POLR1A: variants seen among roughly 807,000 people sequenced by gnomAD.
The protein encoded by POLR1A is RNA polymerase I subunit A.
Under a neutral mutation model 205.3 loss-of-function variants are expected in POLR1A, and 84 were observed. The observed-to-expected ratio is 0.41, with a 90% confidence interval of 0.34 to 0.49. The LOEUF (loss-of-function observed/expected upper bound fraction) is 0.49, where lower values mean the gene tolerates loss of function less well. Among genes scored for constraint, POLR1A ranks in the 20% least tolerant of loss-of-function variants. The probability of loss-of-function intolerance (pLI) is 0.22; values close to 1 mark genes in which losing one functional copy is unlikely to be tolerated. For missense variants in POLR1A, 1,645 were observed against 2,204.5 expected, an observed-to-expected ratio of 0.75 and a Z score of 5.08; for synonymous variants, 799 against 863.7, an observed-to-expected ratio of 0.93 and a Z score of 1.31.
rs1573797661 is a variant in POLR1A at position 86,026,656 on chromosome 2, G to C, written c.*767C>G. The C allele has an allele frequency of 6.6e-6, 1 of 152,448 alleles. No homozygotes were observed. The highest frequency in any genetic ancestry group is 6.5e-5 in the Admixed American group (1 of 15,286). The allele number at this position is 152,448 out of a possible 1,614,324, so 9.4% of individuals were successfully genotyped here. On this transcript the variant is annotated 3_prime_UTR_variant, in exon 34 of 34. Transcript: ENST00000263857. ...CCAAACTGACAGCAGAGAAAAGCCA[G>C]GCAACCTGTTCAATCGCCCCAGCAG...
intron 16 of POLR1A, among the ~76,000 whole-genome samples, chr2:86,052,073 T>C (rs965458185): frequency 4.6e-5 from 7 of 152,098 alleles, no homozygotes; most frequent in Non-Finnish European, 1.0e-4. Context: ...GCCTCCTGAG[T>C]AGCTGGGATT....
At chr2:86,031,218 T>C (rs1387075246) in intron 30 of POLR1A, 112 bp downstream of exon 30, 1 of 1,421,160 alleles carries the variant, frequency 7.0e-7, no homozygotes, top group Non-Finnish European at 9.2e-7. Context: ...CCATGGGGAA[T>C]GTTGGCTGCC....
At chr2:86,097,284 C>T (rs902682046) in intron 3 of POLR1A, among the ~76,000 whole-genome samples, 1 of 122,036 alleles carries the variant, frequency 8.2e-6, no homozygotes, top group Non-Finnish European at 1.6e-5. Context: ...AACTCTTATA[C>T]ACTGTTGGTG....
intron 3 of POLR1A, among the ~76,000 whole-genome samples, chr2:86,093,024 A>G (rs934671727): frequency 1.3e-5 from 2 of 152,232 alleles, no homozygotes; most frequent in African/African-American, 2.4e-5. Context: ...ATTTGGGTTT[A>G]TCCCAGGAAT....
At chr2:86,042,693 C>A (rs1672635224) in intron 23 of POLR1A, among the ~76,000 whole-genome samples, 1 of 152,206 alleles carries the variant, frequency 6.6e-6, no homozygotes, top group Admixed American at 6.5e-5. Context: ...AGCACATAGT[C>A]GTCCTCTCCG....
At chr2:86,067,769 C>T (rs1384998030) in intron 13 of POLR1A, among the ~76,000 whole-genome samples, 1 of 152,188 alleles carries the variant, frequency 6.6e-6, no homozygotes, top group East Asian at 1.9e-4. Flanking sequence ...CCAATAAAGA[C>T]ATGTTGCATT....
chr2:86,094,801 T>C (rs539212338), intron 3 of POLR1A, among the ~76,000 whole-genome samples: 2 of 152,254 alleles, frequency 1.3e-5, no homozygotes, highest in African/African-American at 4.8e-5. Flanking sequence ...TCTCTCTCTC[T>C]CCCCGTATGT....
In POLR1A at chr2:86,043,127, G is replaced by A. The variant is rs370275845; in HGVS notation, c.3204C>T (p.His1068=). The A allele has an allele frequency of 3.1e-6, 5 of 1,614,030 alleles. No homozygotes were observed. The African/African-American group carries it at 6.7e-5, about 22-fold the overall frequency. The part of the protein sequence containing the change: ...SRADPKKALH[H]FRAIKKWQSK... ...TTTGCCATTTTTTGATAGCTCTGAA[G>A]TGGTGGAGAGCTTTTTTGGGATCTG... The change falls in exon 23 of 34, where the codon CAC becomes CAT. Residue 1068 remains histidine, a synonymous_variant. Transcript: ENST00000263857.
intron 9 of POLR1A, among the ~76,000 whole-genome samples, chr2:86,079,149 G>T (rs1673349904): frequency 6.6e-6 from 1 of 152,234 alleles, no homozygotes. Flanking sequence ...CAGTAGTGAT[G>T]AAGTGGGCTT....
rs112708556 is a variant in POLR1A, at chr2:86,065,292, C to T, written c.2040G>A (p.Pro680=). The change falls in exon 14 of 34, where the codon CCG becomes CCA. Residue 680 remains proline (P), a synonymous_variant. Transcript: ENST00000263857. ...CAATTACCTGTTTTCCTGTCCACAG[C>T]GGAAAGGGCTTCAGGATGGAAGGAG... ...LLSPSILKPF[P]LWTGKQVVST... is the part of the protein sequence containing the mutation. 8,309 of 1,613,738 alleles carry T rather than the reference C, an allele frequency of 5.1e-3. 35 individuals carry two copies. Among genetic ancestry groups the T allele is most frequent in the Non-Finnish European group, 6.2e-3 (7,279 of 1,179,804 alleles).
At chr2:86,075,486 A>G (rs1673264304) in intron 11 of POLR1A, among the ~76,000 whole-genome samples, 2 of 152,148 alleles carry the variant, frequency 1.3e-5, no homozygotes, top group Non-Finnish European at 2.9e-5. Context: ...TCTGAGGAGA[A>G]TAATTTAAGC....
chr2:86,029,288 T>TG (rs1215452430), intron 31 of POLR1A, among the ~76,000 whole-genome samples: 1 of 150,832 alleles, frequency 6.6e-6, no homozygotes, highest in Non-Finnish European at 1.5e-5. Context: ...TGGTCATTGG[T>TG]GGGGGCAGAA....
intron 14 of POLR1A, among the ~76,000 whole-genome samples, chr2:86,061,826 CG>C (rs200868103): frequency 0.024 from 1,094 of 45,644 alleles, 15 homozygotes; most frequent in African/African-American, 0.051. Flanking sequence ...TTACCTTTGA[CG>C]AGGGGTAGAA....
intron 1 of POLR1A, among the ~76,000 whole-genome samples, chr2:86,102,393 C>A (rs1042344544): frequency 1.3e-5 from 2 of 152,196 alleles, no homozygotes; most frequent in Non-Finnish European, 2.9e-5. Context: ...AACATCTTTT[C>A]ACATACTCAC....
intron 1 of POLR1A, among the ~76,000 whole-genome samples, chr2:86,102,556 C>T (rs1446581394): frequency 1.3e-5 from 2 of 152,146 alleles, no homozygotes; most frequent in Admixed American, 6.6e-5. Flanking sequence ...ATATTTTCCC[C>T]CATTCCATGG....
chr2:86,102,816 G>T (rs1476596859), intron 1 of POLR1A, among the ~76,000 whole-genome samples: 1 of 152,198 alleles, frequency 6.6e-6, no homozygotes, highest in Non-Finnish European at 1.5e-5. Context: ...ATAGACTTAG[G>T]TTTGAAGATG....
chr2:86,070,594 CAAAG>C lies in POLR1A; in HGVS notation c.1612-326_1612-323del, dbSNP rs996724788. 1.3e-5 allele frequency among the ~76,000 whole-genome samples: 2 copies of C among 151,812 alleles called. No homozygotes were observed. Among genetic ancestry groups the C allele is most frequent in the African/African-American group, 4.8e-5 (2 of 41,286 alleles). ...TTCTGGATTACTCTGAAAACTAATC[CAAAG>C]AAAGAAATGGATACAACTCCTGAAG... is the stretch of plus-strand genomic sequence containing the variant. On this transcript the variant is annotated intron_variant, in intron 12 of 33. Coordinates refer to ENST00000263857, the MANE Select transcript of POLR1A (RefSeq NM_015425.6). This position sits in a 1 kb window ranked among gnomAD's most constrained non-coding sequence, Gnocchi z 4.4.
intron 16 of POLR1A, among the ~76,000 whole-genome samples, chr2:86,050,897 G>T (rs1672790561): frequency 6.6e-6 from 1 of 152,182 alleles, no homozygotes; most frequent in African/African-American, 2.4e-5. Flanking sequence ...CTTGAGCCCA[G>T]AAGTGGCTCA....
intron 6 of POLR1A, 79 bp downstream of exon 6, chr2:86,088,484 TGAG>T: frequency 1.2e-6 from 1 of 861,540 alleles, no homozygotes; most frequent in South Asian, 1.5e-5. Flanking sequence ...AAACACGTGG[TGAG>T]GAGAACCAGG....
Sources: allele counts gnomAD v4.1 joint callset (sites outside exome capture counted in the v4.1 genomes callset), GRCh38; gene constraint gnomAD v4.1.1; non-coding constraint Gnocchi (gnomAD v3.1); transcripts MANE v1.5; gene names NCBI Gene and HGNC (gene_info 2026-07-23, HGNC 2026-07-21).